The following R3HCC1L variants were observed in gnomAD, a reference collection of about 807,000 sequenced individuals.
R3HCC1L encodes R3H domain and coiled-coil containing 1 like, also known as coiled-coil domain-containing protein R3HCC1L.
In R3HCC1L, 51 loss-of-function variants were observed where a neutral mutation model predicts 59.9. That is an observed-to-expected ratio of 0.85 (90% CI 0.68 to 1.07). The LOEUF is 1.07. Among genes scored for constraint, R3HCC1L ranks in the 50% least tolerant of loss-of-function variants. The pLI, the probability that R3HCC1L is intolerant of heterozygous loss-of-function variation, is 0.00. For synonymous variants in R3HCC1L, 322 were observed against 315.2 expected, an observed-to-expected ratio of 1.02 and a Z score of -0.23; for missense variants, 965 against 933.0, an observed-to-expected ratio of 1.03 and a Z score of -0.45.
chr10:98,185,859 G>A (rs1325773568), intron 4 of R3HCC1L, among the ~76,000 whole-genome samples: 1 of 152,192 alleles, frequency 6.6e-6, no homozygotes, highest in Admixed American at 6.5e-5. Flanking sequence ...AAGAAGCAAA[G>A]CAGTTACCAA....
intron 9 of R3HCC1L, among the ~76,000 whole-genome samples, chr10:98,237,350 G>T (rs1347995356): frequency 6.6e-6 from 1 of 152,148 alleles, no homozygotes; most frequent in East Asian, 1.9e-4. Flanking sequence ...TGAAGAAAAT[G>T]ATTTCTGTGT....
chr10:98,168,035 C>A (rs1848127376), intron 4 of R3HCC1L, among the ~76,000 whole-genome samples: 1 of 152,076 alleles, frequency 6.6e-6, no homozygotes, highest in Non-Finnish European at 1.5e-5. Context: ...CAGTTAAACC[C>A]AGAATAGACC....
Position 98,152,664 on chromosome 10 carries a change from C to T in R3HCC1L, c.-267-3429C>T, listed in dbSNP as rs1407652125. On this transcript the variant is annotated intron_variant, in intron 1 of 9. Coordinates refer to ENST00000298999, the MANE Select transcript of R3HCC1L (RefSeq NM_001351015.2). Reference sequence around the variant, plus strand: ...GCCACCCCGTCTGGGATGTGAGGAGCGCCTCTGCCCGGCCGCGACCCCGTC... The same window carrying T: ...GCCACCCCGTCTGGGATGTGAGGAGTGCCTCTGCCCGGCCGCGACCCCGTC... Among the ~76,000 whole-genome samples, 6 of 123,436 alleles carry T rather than the reference C, an allele frequency of 4.9e-5. 2 individuals carry two copies. Among genetic ancestry groups the T allele is most frequent in the South Asian group, 3.4e-4 (1 of 2,970 alleles). The allele number at this position is 123,436 out of a possible 152,430, so 81.0% of individuals were successfully genotyped here. A position where few individuals can be genotyped will look rare whatever the true frequency, so the allele number is the denominator to read the frequency against.
intron 5 of R3HCC1L, among the ~76,000 whole-genome samples, chr10:98,210,939 C>G (rs1405160487): frequency 6.6e-6 from 1 of 152,190 alleles, no homozygotes; most frequent in Non-Finnish European, 1.5e-5. Flanking sequence ...AGAGGGCGGT[C>G]CATTGGATAG....
At chr10:98,203,345 T>C (rs1316289207) in intron 4 of R3HCC1L, among the ~76,000 whole-genome samples, 1 of 152,208 alleles carries the variant, frequency 6.6e-6, no homozygotes, top group African/African-American at 2.4e-5. Context: ...TGAATATGGG[T>C]AAACAGTATA....
At chr10:98,165,458 C>T (rs2134242793) in intron 4 of R3HCC1L, among the ~76,000 whole-genome samples, 1 of 152,242 alleles carries the variant, frequency 6.6e-6, no homozygotes, top group South Asian at 2.1e-4. Context: ...GGCCAGTTAC[C>T]ATATTTAGAT....
intron 4 of R3HCC1L, among the ~76,000 whole-genome samples, chr10:98,185,298 A>G (rs888249543): frequency 3.9e-5 from 6 of 152,318 alleles, no homozygotes; most frequent in African/African-American, 1.4e-4. Flanking sequence ...GGGATGAGCA[A>G]GTACCCTTAA....
chr10:98,234,896 A>G (rs1042445165), intron 7 of R3HCC1L, among the ~76,000 whole-genome samples: 4 of 152,176 alleles, frequency 2.6e-5, no homozygotes, highest in Non-Finnish European at 5.9e-5. Context: ...AAATTATAAT[A>G]CATACCCTCT....
At chr10:98,136,018 T>G (rs1048649775) in intron 1 of R3HCC1L, among the ~76,000 whole-genome samples, 3 of 119,196 alleles carry the variant, frequency 2.5e-5, no homozygotes, top group African/African-American at 7.8e-5. Context: ...CTGCAATCAG[T>G]TTTTTTTTTT....
intron 4 of R3HCC1L, among the ~76,000 whole-genome samples, chr10:98,202,858 G>GA (rs758550792): frequency 0.028 from 3,809 of 138,118 alleles, 137 homozygotes; most frequent in African/African-American, 0.085. Context: ...TCCGTCACAG[G>GA]AAAAAAAAAA....
At chr10:98,185,451 G>A (rs1280852323) in intron 4 of R3HCC1L, among the ~76,000 whole-genome samples, 1 of 152,150 alleles carries the variant, frequency 6.6e-6, no homozygotes, top group African/African-American at 2.4e-5. Context: ...GATTAGGTAA[G>A]GCTTCTCAGA....
rs184172366 is a variant in R3HCC1L, at chr10:98,222,096, T to A, written c.1786-9416T>A. 2.2e-4 allele frequency among the ~76,000 whole-genome samples: 34 copies of A among 152,322 alleles called. No individual in the cohort carries two copies. In the East Asian group the frequency reaches 5.2e-3, roughly 23 times the overall value. ...GTTGTCCTTGAAGAGGTCCTTCACATCCCTTGTAAGTTGGATTCCTAGGTA... is the reference window on the plus strand; with the variant it reads ...GTTGTCCTTGAAGAGGTCCTTCACAACCCTTGTAAGTTGGATTCCTAGGTA... On this transcript the variant is annotated intron_variant, in intron 5 of 9. Coordinates refer to ENST00000298999, the MANE Select transcript of R3HCC1L (RefSeq NM_001351015.2).
intron 9 of R3HCC1L, among the ~76,000 whole-genome samples, chr10:98,242,529 C>T (rs1857646039): frequency 6.6e-6 from 1 of 152,110 alleles, no homozygotes; most frequent in Non-Finnish European, 1.5e-5. Context: ...AGATTTGCCT[C>T]CATCGATTAA....
chr10:98,187,525 A>G (rs1236893867), intron 4 of R3HCC1L, among the ~76,000 whole-genome samples: 1 of 152,156 alleles, frequency 6.6e-6, no homozygotes, highest in Non-Finnish European at 1.5e-5. Flanking sequence ...TGATGGTGGC[A>G]GGAAATTATG....
chr10:98,211,974 CAG>C (rs1853633087), intron 5 of R3HCC1L, among the ~76,000 whole-genome samples: 1 of 152,018 alleles, frequency 6.6e-6, no homozygotes, highest in African/African-American at 2.4e-5. Flanking sequence ...GGGAGGAAAA[CAG>C]AGAATATAGT....
chr10:98,233,020 G>C (rs892183181), intron 6 of R3HCC1L, among the ~76,000 whole-genome samples: 2 of 152,152 alleles, frequency 1.3e-5, no homozygotes, highest in East Asian at 1.9e-4. Context: ...TAAATGTATA[G>C]TGTGTAGGTC....
chr10:98,195,592 C>CA (rs751117797), intron 4 of R3HCC1L, among the ~76,000 whole-genome samples: 125 of 130,576 alleles, frequency 9.6e-4, no homozygotes, highest in African/African-American at 2.8e-3. Flanking sequence ...TTAAAATACA[C>CA]ACAAAAAAAA....
intron 4 of R3HCC1L, among the ~76,000 whole-genome samples, chr10:98,180,977 C>T (rs1171109632): frequency 6.6e-6 from 1 of 152,148 alleles, no homozygotes; most frequent in Non-Finnish European, 1.5e-5. Flanking sequence ...GAATACAGCA[C>T]ACTGATGGGT....
At chr10:98,232,934 G>C (rs976229062) in intron 6 of R3HCC1L, among the ~76,000 whole-genome samples, 4 of 152,108 alleles carry the variant, frequency 2.6e-5, no homozygotes, top group African/African-American at 4.8e-5. Context: ...AATTCGGTGG[G>C]GAGCATCAGT....
Sources: allele counts gnomAD v4.1 joint callset (sites outside exome capture counted in the v4.1 genomes callset), GRCh38; gene constraint gnomAD v4.1.1; transcripts MANE v1.5; gene names NCBI Gene and HGNC (gene_info 2026-07-23, HGNC 2026-07-21).